Variants in RPF2 observed in about 807,000 individuals in gnomAD.
The protein encoded by RPF2 is brix domain containing 1.
RPF2 carries 21 observed loss-of-function variants against 38.9 expected under a neutral mutation model. The observed-to-expected ratio is 0.54, with a 90% CI of 0.38 to 0.78. The LOEUF is 0.78. Among genes scored for constraint, RPF2 ranks in the 30% least tolerant of loss-of-function variants. RPF2 has a pLI of 0.00. For missense variants in RPF2, 314 were observed against 358.1 expected (o/e 0.88, Z 0.99); for synonymous variants, 121 against 126.2 (o/e 0.96, Z 0.28).
At chr6:110,991,278 C>A (rs1771614745) in intron 3 of RPF2, among the ~76,000 whole-genome samples, 1 of 151,570 alleles carries the variant, frequency 6.6e-6, no homozygotes, top group African/African-American at 2.4e-5. Flanking sequence ...TTTTATTGTT[C>A]CTTTTTCTTT....
At position 111,024,247 on chromosome 6, in the gene RPF2, T is replaced by C. The variant is rs144863209; in HGVS notation, c.661T>C (p.Leu221=). The change falls in exon 9 of 10, where the codon TTG becomes CTG. Residue 221 remains leucine, a synonymous_variant. Coordinates refer to ENST00000441448, the MANE Select transcript of RPF2 (RefSeq NM_032194.3). ...TGAATTGGAAGAGATGGGACCCTCA[T>C]TGGATCTGGTTCTGAGGAGGACACA... ...RIELEEMGPS[L]DLVLRRTHLA... 2.5e-5 allele frequency: 41 copies of C among 1,611,618 alleles called. No homozygotes were observed. In the African/African-American group the frequency reaches 2.7e-4, roughly 11 times the overall value.
At chr6:111,005,007 G>A (rs1771884751) in intron 6 of RPF2, among the ~76,000 whole-genome samples, 1 of 151,892 alleles carries the variant, frequency 6.6e-6, no homozygotes, top group African/African-American at 2.4e-5. Context: ...ATGATGCTGT[G>A]CTTTTTGTTC....
chr6:110,997,560 G>C (rs1362385125), intron 5 of RPF2, among the ~76,000 whole-genome samples: 1 of 152,100 alleles, frequency 6.6e-6, no homozygotes, highest in East Asian at 1.9e-4. Flanking sequence ...GGCCAACATG[G>C]TGAAACCCCA....
intron 7 of RPF2, among the ~76,000 whole-genome samples, chr6:111,014,424 A>G (rs1420975421): frequency 6.6e-6 from 1 of 151,902 alleles, no homozygotes; most frequent in Non-Finnish European, 1.5e-5. Context: ...GAGCCACTGC[A>G]CCTGGCCTGT....
intron 8 of RPF2, among the ~76,000 whole-genome samples, chr6:111,016,670 CTT>C (rs71021821): frequency 4.1e-5 from 5 of 122,178 alleles, no homozygotes; most frequent in East Asian, 2.8e-4. Flanking sequence ...AATTGTGGTT[CTT>C]TTTTTTTTTT....
intron 7 of RPF2, among the ~76,000 whole-genome samples, chr6:111,013,713 A>G (rs1300562859): frequency 6.6e-6 from 1 of 152,206 alleles, no homozygotes; most frequent in Non-Finnish European, 1.5e-5. Context: ...GACTTCAGTA[A>G]TGCCACACCA....
chr6:110,994,770 C>CACACACACACAT (rs1554247831), intron 4 of RPF2, among the ~76,000 whole-genome samples: 11 of 146,102 alleles, frequency 7.5e-5, no homozygotes, highest in African/African-American at 2.4e-4. Context: ...CACACACACA[C>CACACACACACAT]GAGTATGTAT....
At chr6:110,992,893 G>A (rs767228266) in intron 4 of RPF2, among the ~76,000 whole-genome samples, 1 of 152,038 alleles carries the variant, frequency 6.6e-6, no homozygotes, top group Non-Finnish European at 1.5e-5. Context: ...CTTGGAAAAC[G>A]TAGCGAGACC....
chr6:111,024,704 CAA>C (rs397737242), intron 9 of RPF2, among the ~76,000 whole-genome samples: 30 of 89,160 alleles, frequency 3.4e-4, no homozygotes, highest in Middle Eastern at 7.9e-3. Flanking sequence ...CAGAGTGAGC[CAA>C]AAAAAAAAAA....
intron 7 of RPF2, among the ~76,000 whole-genome samples, chr6:111,011,276 T>TTTTCTTTCTTTC (rs71553323): frequency 3.0e-5 from 4 of 133,656 alleles, no homozygotes; most frequent in South Asian, 2.4e-4. Flanking sequence ...TCAAGGGTAT[T>TTTTCTTTCTTTC]TTTCTTTCTT....
chr6:111,024,889 T>C (rs1772297016), intron 9 of RPF2, among the ~76,000 whole-genome samples: 1 of 152,160 alleles, frequency 6.6e-6, no homozygotes, highest in African/African-American at 2.4e-5. Context: ...AGACTGTTGT[T>C]TTCAGCAAAA....
intron 6 of RPF2, 151 bp downstream of exon 6, chr6:110,999,938 T>C (rs990820217): frequency 3.8e-6 from 2 of 530,398 alleles, no homozygotes; most frequent in African/African-American, 1.9e-5. Context: ...CAATTTTATT[T>C]TACCTTTCTT....
At position 111,027,844 on chromosome 6, in the gene RPF2, T is replaced by G. The variant is rs1583279869; in HGVS notation, c.*2262T>G. The G allele has an allele frequency of 1.3e-5, 2 of 152,350 alleles. No homozygotes were observed. The highest frequency in any genetic ancestry group is 3.9e-4 in the East Asian group (2 of 5,192). 9.4% of individuals were successfully genotyped at this position (152,350 alleles called of 1,614,324 possible). On this transcript the variant is annotated 3_prime_UTR_variant, in exon 10 of 10. Transcript: ENST00000441448. ...ACAAAGACTTTTTGTTGAGAACACC[T>G]TGTAGTGTTGTACTATCTGGAACTC...
intron 2 of RPF2, among the ~76,000 whole-genome samples, chr6:110,988,822 A>G (rs1259439454): frequency 7.2e-5 from 11 of 152,220 alleles, no homozygotes; most frequent in Non-Finnish European, 1.6e-4. Flanking sequence ...AGGGCATAGA[A>G]ACTTTTAAAT....
At position 111,027,486 on chromosome 6, in the gene RPF2, C is replaced by T. The variant is rs1772353482; in HGVS notation, c.*1904C>T. 6.6e-6 allele frequency: 1 copy of T among 152,144 alleles called. No individual in the cohort carries two copies. The highest frequency in any genetic ancestry group is 2.4e-5 in the African/African-American group (1 of 41,432). 9.4% of individuals were successfully genotyped at this position (152,144 alleles called of 1,614,324 possible). On this transcript the variant is annotated 3_prime_UTR_variant, in exon 10 of 10. Transcript: ENST00000441448. ...GAGTGATGGACGCATAGTCCTTCCC[C>T]AAAGCCTCGCTCATCACTGGTAGGA...
rs552403831 is a variant in RPF2, at chr6:111,025,688, A to G, written c.*106A>G. The G allele has an allele frequency of 6.0e-5, 48 of 801,852 alleles. No homozygotes were observed. In the African/African-American group the frequency reaches 6.9e-4, roughly 12 times the overall value. 49.7% of individuals were successfully genotyped at this position (801,852 alleles called of 1,614,324 possible). Reference sequence around the variant, plus strand: ...TAAGATCTTATTATATATTTTTATAACATGATAATTTTACGATATATTATT... The same window carrying G: ...TAAGATCTTATTATATATTTTTATAGCATGATAATTTTACGATATATTATT... On this transcript the variant is annotated 3_prime_UTR_variant, in exon 10 of 10. Coordinates refer to ENST00000441448, the MANE Select transcript of RPF2 (RefSeq NM_032194.3).
Position 110,989,022 on chromosome 6 carries a change from T to C in RPF2, c.157-6T>C. 6.3e-7 allele frequency: 1 copy of C among 1,596,088 alleles called. No homozygotes were observed. The highest frequency in any genetic ancestry group is 2.3e-5 in the East Asian group (1 of 44,208). On this transcript the variant is annotated splice_polypyrimidine_tract_variant and splice_region_variant and intron_variant, in intron 2 of 9. Transcript: ENST00000441448. ...TGTTTTGAAAGCTATAAATTTTGTT[T>C]TACAGTATGCACTGAAAAAACCATA...
At chr6:111,012,765 G>C (rs1289509766) in intron 7 of RPF2, among the ~76,000 whole-genome samples, 1 of 152,152 alleles carries the variant, frequency 6.6e-6, no homozygotes, top group Non-Finnish European at 1.5e-5. Flanking sequence ...CGCATCAGCT[G>C]TTCAAGCGAT....
chr6:111,018,040 G>A (rs1335665576), intron 8 of RPF2, among the ~76,000 whole-genome samples: 4 of 152,046 alleles, frequency 2.6e-5, no homozygotes, highest in African/African-American at 4.8e-5. Flanking sequence ...GTGAAACCCC[G>A]TCCCCACCAA....
Sources: gnomAD v4.1 joint callset for allele counts (sites outside exome capture counted in the v4.1 genomes callset) on GRCh38, gnomAD v4.1.1 for gene constraint, MANE v1.5 for transcripts, NCBI Gene and HGNC (gene_info 2026-07-23, HGNC 2026-07-21) for gene names.